The following VWC2 variants were observed in gnomAD, a reference collection of about 807,000 sequenced individuals.
VWC2 encodes the protein brorin.
VWC2 carries 14 observed loss-of-function variants against 29.8 expected under a neutral mutation model. The observed-to-expected ratio is 0.47, with a 90% CI of 0.31 to 0.74. The LOEUF (loss-of-function observed/expected upper bound fraction) is 0.74. Ranked by LOEUF, VWC2 falls within the 30% of genes least tolerant of loss-of-function variation. The pLI, the probability that VWC2 is intolerant of heterozygous loss-of-function variation, is 0.05. For synonymous variants in VWC2, 213 were observed against 199.0 expected, an observed-to-expected ratio of 1.07 and a Z score of -0.59; for missense variants, 457 against 459.8, an observed-to-expected ratio of 0.99 and a Z score of 0.05.
At chr7:49,851,873 A>G (rs960827027) in intron 3 of VWC2, among the ~76,000 whole-genome samples, 34 of 151,146 alleles carry the variant, frequency 2.2e-4, no homozygotes, top group African/African-American at 7.3e-4. Flanking sequence ...AAAAAAGTCC[A>G]CTACAAAATG....
intron 3 of VWC2, among the ~76,000 whole-genome samples, chr7:49,887,077 A>G (rs774087671): frequency 5.3e-5 from 8 of 152,204 alleles, no homozygotes; most frequent in Non-Finnish European, 1.0e-4. Flanking sequence ...GTCTTTGCAC[A>G]TGAACATTAA....
intron 2 of VWC2, 76 bp downstream of exon 2, chr7:49,776,207 C>G: frequency 1.5e-6 from 2 of 1,290,978 alleles, no homozygotes; most frequent in Non-Finnish European, 2.1e-6. Context: ...TGTGGTCCCC[C>G]ACTTTGAAGA....
intron 3 of VWC2, among the ~76,000 whole-genome samples, chr7:49,845,260 C>T (rs972906543): frequency 5.3e-5 from 8 of 151,354 alleles, no homozygotes; most frequent in East Asian, 1.9e-4. Flanking sequence ...CCTGCATACA[C>T]TGCACATGTA....
At chr7:49,825,030 A>AT (rs547485767) in intron 3 of VWC2, among the ~76,000 whole-genome samples, 42 of 152,050 alleles carry the variant, frequency 2.8e-4, no homozygotes, top group Admixed American at 7.2e-4. Flanking sequence ...GGATTTGTTT[A>AT]TTTTCCCTGT....
intron 3 of VWC2, among the ~76,000 whole-genome samples, chr7:49,897,190 C>T (rs1000142679): frequency 8.6e-5 from 13 of 152,040 alleles, no homozygotes; most frequent in South Asian, 8.3e-4. Context: ...CCACCGCGCC[C>T]GGCCGGATTG....
At position 49,916,634 on chromosome 7, in the gene VWC2, A is replaced by G. The variant is rs1793741205; in HGVS notation, c.*4449A>G. 6.6e-6 allele frequency: 1 copy of G among 152,240 alleles called. No individual in the cohort carries two copies. The highest frequency in any genetic ancestry group is 1.5e-5 in the Non-Finnish European group (1 of 68,040). 9.4% of individuals were successfully genotyped at this position (152,240 alleles called of 1,614,324 possible). A position where few individuals can be genotyped will look rare whatever the true frequency, so the allele number is the denominator to read the frequency against. On this transcript the variant is annotated 3_prime_UTR_variant, in exon 4 of 4. Transcript: ENST00000340652. The stretch of plus-strand genomic sequence containing the variant: ...CTGTGAAATATTCAATTCCCAAAAC[A>G]TCACCCAATATCTATATGTTAAAGG...
At chr7:49,908,196 C>A (rs758816634) in intron 3 of VWC2, among the ~76,000 whole-genome samples, 1 of 152,130 alleles carries the variant, frequency 6.6e-6, no homozygotes, top group Non-Finnish European at 1.5e-5. Context: ...GTTTTAAGAT[C>A]TCTATTTTAA....
chr7:49,883,419 G>A (rs1791766810), intron 3 of VWC2, among the ~76,000 whole-genome samples: 1 of 152,076 alleles, frequency 6.6e-6, no homozygotes, highest in African/African-American at 2.4e-5. Flanking sequence ...GAAAAAAGGT[G>A]AATTATGTTC....
At chr7:49,881,402 GGAAT>G (rs1210090608) in intron 3 of VWC2, among the ~76,000 whole-genome samples, 1 of 152,148 alleles carries the variant, frequency 6.6e-6, no homozygotes, top group Non-Finnish European at 1.5e-5. Flanking sequence ...AGGGGAGTCT[GGAAT>G]GAATGATTTA....
At chr7:49,802,660 A>G in intron 2 of VWC2, 51 bp from the exon 3 acceptor site, 2 of 1,610,954 alleles carry the variant, frequency 1.2e-6, no homozygotes, top group South Asian at 1.1e-5. Flanking sequence ...ATGACCCTGT[A>G]GGATAAACAT....
intron 3 of VWC2, among the ~76,000 whole-genome samples, chr7:49,866,473 T>A (rs1790894966): frequency 6.6e-6 from 1 of 152,198 alleles, no homozygotes; most frequent in Admixed American, 6.5e-5. Flanking sequence ...GGCAAGCCCT[T>A]TGCAAGCCTC....
chr7:49,892,293 G>A (rs943555264), intron 3 of VWC2, among the ~76,000 whole-genome samples: 4 of 151,914 alleles, frequency 2.6e-5, no homozygotes, highest in Admixed American at 1.3e-4. Flanking sequence ...TGATCTGCCC[G>A]CCTCGGCCTC....
At chr7:49,854,614 C>G (rs912368019) in intron 3 of VWC2, among the ~76,000 whole-genome samples, 2 of 152,190 alleles carry the variant, frequency 1.3e-5, no homozygotes, top group African/African-American at 4.8e-5. Context: ...TGGATATTAG[C>G]CCTTTGTCAG....
chr7:49,774,886 C>T (rs1333703392), intron 1 of VWC2, among the ~76,000 whole-genome samples: 2 of 152,216 alleles, frequency 1.3e-5, no homozygotes, highest in Non-Finnish European at 2.9e-5. Flanking sequence ...AAGAGTTTCC[C>T]TCTTATCTTC....
At chr7:49,793,613 T>A (rs773141214) in intron 2 of VWC2, among the ~76,000 whole-genome samples, 2 of 152,240 alleles carry the variant, frequency 1.3e-5, no homozygotes, top group Non-Finnish European at 2.9e-5. Context: ...TTGAGATTCA[T>A]CTGTATTGTC....
Position 49,877,481 on chromosome 7 carries a change from A to AAAAAAATATAC in VWC2, c.827-34552_827-34551insAAAAATATACA. Among the ~76,000 whole-genome samples the AAAAAAATATAC allele has an allele frequency of 1.4e-3, 18 of 12,730 alleles. 5 individuals carry two copies. The highest frequency in any genetic ancestry group is 0.011 in the East Asian group (2 of 180). The allele number at this position is 12,730 out of a possible 152,430, so 8.4% of individuals were successfully genotyped here. A position where few individuals can be genotyped will look rare whatever the true frequency, so the allele number is the denominator to read the frequency against. On this transcript the variant is annotated intron_variant, in intron 3 of 3. Coordinates refer to ENST00000340652, the MANE Select transcript of VWC2 (RefSeq NM_198570.5). ...CTGTCTCAAAAAAAAAAAAAAAAAA[A>AAAAAAATATAC]ATATATATATATATATATATATATA...
At chr7:49,829,451 A>G (rs1789475668) in intron 3 of VWC2, among the ~76,000 whole-genome samples, 1 of 152,150 alleles carries the variant, frequency 6.6e-6, no homozygotes, top group African/African-American at 2.4e-5. Flanking sequence ...AGTCATCCAT[A>G]GCACCCCCGG....
At chr7:49,834,462 A>T (rs1369118161) in intron 3 of VWC2, among the ~76,000 whole-genome samples, 1 of 152,222 alleles carries the variant, frequency 6.6e-6, no homozygotes, top group Non-Finnish European at 1.5e-5. Flanking sequence ...ATATTCATGC[A>T]ACAAGTGAAT....
chr7:49,806,402 G>A (rs1216456978), intron 3 of VWC2, among the ~76,000 whole-genome samples: 2 of 152,188 alleles, frequency 1.3e-5, no homozygotes, highest in African/African-American at 4.8e-5. Flanking sequence ...ATCCAAGGGA[G>A]GATACGACAT....
Sources: allele counts gnomAD v4.1 joint callset (sites outside exome capture counted in the v4.1 genomes callset), GRCh38; gene constraint gnomAD v4.1.1; transcripts MANE v1.5; gene names NCBI Gene and HGNC (gene_info 2026-07-23, HGNC 2026-07-21).